Variants in RSRP1 observed in about 807,000 individuals in gnomAD.
RSRP1 encodes arginine and serine rich protein 1, also known as arginine/serine-rich protein 1.
In RSRP1, 37 loss-of-function variants were observed where a neutral mutation model predicts 33.0. The observed-to-expected ratio is 1.12, with a 90% confidence interval of 0.86 to 1.48. The LOEUF (loss-of-function observed/expected upper bound fraction) is 1.48, where lower values mean the gene tolerates loss of function less well. RSRP1 is among the 40% of genes most tolerant of loss of function. RSRP1 has a pLI of 0.00. For missense variants in RSRP1, 402 were observed against 385.3 expected (o/e 1.04, Z -0.36); for synonymous variants, 167 against 158.7 (o/e 1.05, Z -0.40).
rs181155958 is a variant in RSRP1, at chr1:25,287,964, C to A, written c.-66-40935G>T. Among the ~76,000 whole-genome samples, 7 of 132,682 alleles carry A rather than the reference C, an allele frequency of 5.3e-5. 1 individual carries two copies. Among genetic ancestry groups the A allele is most frequent in the African/African-American group, 1.8e-4 (7 of 38,944 alleles). The allele number at this position is 132,682 out of a possible 152,430, so 87.0% of individuals were successfully genotyped here. A position where few individuals can be genotyped will look rare whatever the true frequency, so the allele number is the denominator to read the frequency against. On this transcript the variant is annotated intron_variant, in intron 1 of 1. Transcript: ENST00000561867. Reference sequence around the variant, plus strand: ...TCTGGAACTCCCGACCTCAAGTGATCCACCTGCCTAGGCCTCCCAAAGTAC... The same window carrying A: ...TCTGGAACTCCCGACCTCAAGTGATACACCTGCCTAGGCCTCCCAAAGTAC...
chr1:25,244,876 G>A (rs979864194), intron 3 of RSRP1: 181 of 1,186,702 alleles, frequency 1.5e-4, no homozygotes, highest in Non-Finnish European at 1.9e-4. Flanking sequence ...TAAACACGCG[G>A]TTTTGCCACA....
intron 1 of RSRP1, among the ~76,000 whole-genome samples, chr1:25,283,358 C>A (rs781124328): frequency 7.6e-6 from 1 of 131,102 alleles, no homozygotes; most frequent in African/African-American, 2.6e-5. Flanking sequence ...TAGCGAAACC[C>A]CTTCTCTATT....
Position 25,320,487 on chromosome 1 carries a change from C to T in RSRP1, c.-67+17491G>A, listed in dbSNP as rs1365418344. Among the ~76,000 whole-genome samples the T allele has an allele frequency of 1.1e-4, 14 of 132,252 alleles. 4 individuals carry two copies. The highest frequency in any genetic ancestry group is 2.2e-4 in the Non-Finnish European group (12 of 55,802). The allele number at this position is 132,252 out of a possible 152,430, so 86.8% of individuals were successfully genotyped here. On this transcript the variant is annotated intron_variant, in intron 1 of 1. Coordinates refer to the RSRP1 transcript ENST00000561867. ...GTTACTGAGTAATTCAAGCTAACTG[C>T]GTCATGCTGGTTGTACCCTGCATGC...
intron 1 of RSRP1, among the ~76,000 whole-genome samples, chr1:25,260,605 G>A (rs1420667137): frequency 6.6e-6 from 1 of 152,160 alleles, no homozygotes; most frequent in African/African-American, 2.4e-5. Context: ...CATAACAGCA[G>A]CTTAAACTGT....
chr1:25,313,238 T>G lies in RSRP1; in HGVS notation c.-67+24740A>C, dbSNP rs1386548939. On this transcript the variant is annotated intron_variant, in intron 1 of 1. Coordinates refer to the RSRP1 transcript ENST00000561867. ...TCTTGCCATGTGATACCCTCTGCCA[T>G]GTAATGGCAGGCACAGCAAGAAGGT... Among the ~76,000 whole-genome samples the G allele has an allele frequency of 2.3e-5, 3 of 131,232 alleles. 1 individual carries two copies. Among genetic ancestry groups the G allele is most frequent in the Non-Finnish European group, 5.4e-5 (3 of 55,432 alleles). 86.1% of individuals were successfully genotyped at this position (131,232 alleles called of 152,430 possible).
rs1337363875 is a variant in RSRP1 at position 25,311,225 on chromosome 1, C to T, written c.-67+26753G>A. ...ATCCTTTTTATAAAGAAGCAAAGAT[C>T]TTAGCTGAACTTTTTCTGTGCCAGA... On this transcript the variant is annotated intron_variant, in intron 1 of 1. Transcript: ENST00000561867. 3.0e-5 allele frequency among the ~76,000 whole-genome samples: 4 copies of T among 132,372 alleles called. 1 individual carries two copies. Among genetic ancestry groups the T allele is most frequent in the Non-Finnish European group, 7.2e-5 (4 of 55,886 alleles). The allele number at this position is 132,372 out of a possible 152,430, so 86.8% of individuals were successfully genotyped here.
chr1:25,264,735 T>TAAATTCCCAA (rs1315367946), intron 1 of RSRP1, among the ~76,000 whole-genome samples: 1 of 110,454 alleles, frequency 9.1e-6, no homozygotes. Flanking sequence ...AATGGGAATT[T>TAAATTCCCAA]TTCTTTTCTA....
At chr1:25,317,829 T>G (rs1365240804) in intron 1 of RSRP1, among the ~76,000 whole-genome samples, 8 of 83,900 alleles carry the variant, frequency 9.5e-5, no homozygotes, top group African/African-American at 2.8e-4. Flanking sequence ...AGGAGACCAG[T>G]GTGGTTGGTG....
chr1:25,247,174 G>A, intron 1 of RSRP1, 135 bp downstream of exon 1: 1 of 512,002 alleles, frequency 2.0e-6, no homozygotes, highest in Non-Finnish European at 3.4e-6. Context: ...TAGAAACCCC[G>A]CTCGGCGCCC....
In RSRP1 at chr1:25,318,448, C is replaced by T. The variant is rs1191034585; in HGVS notation, c.-67+19530G>A. ...ACCAGAAATACAAAAATTAGCCAGG[C>T]GTGGTGGCGTGTGCCTGTAGTCCCA... On this transcript the variant is annotated intron_variant, in intron 1 of 1. Coordinates refer to the RSRP1 transcript ENST00000561867. Among the ~76,000 whole-genome samples, 12 of 130,054 alleles carry T rather than the reference C, an allele frequency of 9.2e-5. 1 individual carries two copies. Among genetic ancestry groups the T allele is most frequent in the African/African-American group, 2.4e-4 (9 of 38,182 alleles). 85.3% of individuals were successfully genotyped at this position (130,054 alleles called of 152,430 possible). A position where few individuals can be genotyped will look rare whatever the true frequency, so the allele number is the denominator to read the frequency against.
upstream of RSRP1, among the ~76,000 whole-genome samples, chr1:25,251,956 T>C (rs1479771356): frequency 1.3e-5 from 2 of 151,522 alleles, no homozygotes; most frequent in Non-Finnish European, 2.9e-5. Flanking sequence ...AGTGGTGCAA[T>C]CTCGACTTAC....
intron 1 of RSRP1, among the ~76,000 whole-genome samples, chr1:25,309,003 T>C (rs1643998010): frequency 7.6e-6 from 1 of 131,924 alleles, no homozygotes; most frequent in Non-Finnish European, 1.8e-5. Flanking sequence ...TGATGCTGCA[T>C]CCGTATGAGG....
At chr1:25,320,461 C>G (rs974327748) in intron 1 of RSRP1, among the ~76,000 whole-genome samples, 3 of 132,008 alleles carry the variant, frequency 2.3e-5, no homozygotes, top group Admixed American at 7.4e-5. Flanking sequence ...CGCCAGAGAT[C>G]GTTACTGAGT....
At chr1:25,255,995 T>C (rs1411318133) in intron 1 of RSRP1, among the ~76,000 whole-genome samples, 3 of 152,128 alleles carry the variant, frequency 2.0e-5, no homozygotes, top group Non-Finnish European at 2.9e-5. Context: ...GAGACCACCT[T>C]CCATTGGCAA....
rs1200600096 is a variant in RSRP1, at chr1:25,278,080, G to A, written c.-66-31051C>T. On this transcript the variant is annotated intron_variant, in intron 1 of 1. Transcript: ENST00000561867. ...GTATTGAGCATTTTCTGGGGTGTGT[G>A]TTCTTTGCTGTAATGACTACTGGTC... Among the ~76,000 whole-genome samples the A allele has an allele frequency of 3.8e-5, 5 of 130,160 alleles. 1 individual carries two copies. The highest frequency in any genetic ancestry group is 1.3e-4 in the African/African-American group (5 of 38,306). The allele number at this position is 130,160 out of a possible 152,430, so 85.4% of individuals were successfully genotyped here. A position where few individuals can be genotyped will look rare whatever the true frequency, so the allele number is the denominator to read the frequency against.
At chr1:25,246,074 G>A (rs1161406835) in intron 2 of RSRP1, 6 of 188,960 alleles carry the variant, frequency 3.2e-5, no homozygotes, top group Non-Finnish European at 5.5e-5. Context: ...TAGGATACTC[G>A]ACAATCCAAT....
chr1:25,253,931 G>A (rs961952766), intron 1 of RSRP1: 8 of 152,212 alleles, frequency 5.3e-5, no homozygotes, highest in African/African-American at 7.2e-5. Context: ...TATCCAAAGT[G>A]TGAGAGCTAC....
chr1:25,257,939 G>A (rs1227134905), intron 1 of RSRP1, among the ~76,000 whole-genome samples: 2 of 152,062 alleles, frequency 1.3e-5, no homozygotes, highest in African/African-American at 4.8e-5. Context: ...GCAGACTTTG[G>A]GGAGCCATGA....
chr1:25,306,005 T>C lies in RSRP1; in HGVS notation c.-67+31973A>G, dbSNP rs1445570085. Among the ~76,000 whole-genome samples the C allele has an allele frequency of 1.5e-5, 2 of 131,876 alleles. 1 individual carries two copies. Among genetic ancestry groups the C allele is most frequent in the Non-Finnish European group, 3.6e-5 (2 of 55,952 alleles). The allele number at this position is 131,876 out of a possible 152,430, so 86.5% of individuals were successfully genotyped here. On this transcript the variant is annotated intron_variant, in intron 1 of 1. Coordinates refer to the RSRP1 transcript ENST00000561867. ...GCTGGCTCACGGCTGTGTGGGAGGCTGAGTGATGGGGAGGAAGGATTACTG... is the reference window on the plus strand; with the variant it reads ...GCTGGCTCACGGCTGTGTGGGAGGCCGAGTGATGGGGAGGAAGGATTACTG...
Sources: allele counts gnomAD v4.1 joint callset (sites outside exome capture counted in the v4.1 genomes callset), GRCh38; gene constraint gnomAD v4.1.1; transcripts MANE v1.5; gene names NCBI Gene and HGNC (gene_info 2026-07-23, HGNC 2026-07-21).